Variants in MRTFA observed in about 807,000 individuals in gnomAD.
The protein encoded by MRTFA is myocardin-related transcription factor A.
MRTFA carries 20 observed loss-of-function variants against 83.5 expected under a neutral mutation model. That is an observed-to-expected ratio of 0.24 (90% CI 0.17 to 0.35). The LOEUF is 0.35. Ranked by LOEUF, MRTFA falls within the 10% of genes least tolerant of loss-of-function variation. MRTFA has a pLI of 1.00. For synonymous variants in MRTFA, 659 were observed against 541.2 expected (o/e 1.22, Z -3.02); for missense variants, 1,200 against 1,224.7 (o/e 0.98, Z 0.30).
At chr22:40,551,471 G>A (rs1003533611) in intron 3 of MRTFA, among the ~76,000 whole-genome samples, 5 of 151,988 alleles carry the variant, frequency 3.3e-5, no homozygotes, top group Non-Finnish European at 5.9e-5. Flanking sequence ...TAGTTCAATC[G>A]ATCCTCCCAC....
chr22:40,525,280 T>C (rs2054947131), intron 3 of MRTFA, among the ~76,000 whole-genome samples: 1 of 152,190 alleles, frequency 6.6e-6, no homozygotes, highest in Non-Finnish European at 1.5e-5. Flanking sequence ...TTTCTAGAAT[T>C]ATAGAGATAA....
intron 7 of MRTFA, among the ~76,000 whole-genome samples, chr22:40,428,525 T>C (rs896264347): frequency 6.6e-6 from 1 of 152,230 alleles, no homozygotes; most frequent in African/African-American, 2.4e-5. Flanking sequence ...ACCTCGTTTT[T>C]GTTTTTGAGA....
At position 40,419,075 on chromosome 22, in the gene MRTFA, G is replaced by T. The variant is rs1333359381; in HGVS notation, c.1663C>A (p.Pro555Thr). ...AGCAGTGAGCGCTCCGAGGGGGTGG[G>T]AGACACGGGGGGCGTGGAGCCCGTG... Residue 555 changes from proline (P) to threonine (T), a missense_variant, in exon 12 of 15, where the codon CCC becomes ACC. By Grantham distance (38) the Pro-to-Thr change is conservative (BLOSUM62 -1). This residue lies in a region of MRTFA where 1,107 missense variants were observed against 1,041.8 expected (regional missense o/e 1.06). Coordinates refer to ENST00000355630, the MANE Select transcript of MRTFA (RefSeq NM_020831.6). 6.2e-7 allele frequency: 1 copy of T among 1,607,230 alleles called. No homozygotes were observed. Among genetic ancestry groups the T allele is most frequent in the Non-Finnish European group, 8.5e-7 (1 of 1,177,532 alleles).
chr22:40,415,223 C>G (rs6001905), intron 14 of MRTFA: 11,403 of 152,582 alleles, frequency 0.075, 652 homozygotes, highest in African/African-American at 0.15. Flanking sequence ...TCCCTTGGAA[C>G]CTCCTGAAGC....
chr22:40,626,940 A>G (rs1040837082), intron 1 of MRTFA, among the ~76,000 whole-genome samples: 1 of 151,492 alleles, frequency 6.6e-6, no homozygotes, highest in African/African-American at 2.4e-5. Flanking sequence ...ACACCACTCT[A>G]ACACCAAAAT....
intron 14 of MRTFA, among the ~76,000 whole-genome samples, chr22:40,415,951 A>C (rs2052670653): frequency 6.7e-6 from 1 of 149,288 alleles, no homozygotes; most frequent in Non-Finnish European, 1.5e-5. Context: ...CCCACCTCAC[A>C]CCCTCGGCAG....
chr22:40,530,281 A>G (rs1156420485), intron 3 of MRTFA, among the ~76,000 whole-genome samples: 3 of 152,138 alleles, frequency 2.0e-5, no homozygotes, highest in Non-Finnish European at 4.4e-5. Flanking sequence ...CATAATGTCC[A>G]TCTTATTTGT....
At chr22:40,482,505 C>T (rs947873645) in intron 3 of MRTFA, among the ~76,000 whole-genome samples, 2 of 152,130 alleles carry the variant, frequency 1.3e-5, no homozygotes, top group African/African-American at 4.8e-5. Context: ...CAACCAACTC[C>T]ATCATGTAAG....
At chr22:40,519,964 T>G (rs1374534373) in intron 3 of MRTFA, among the ~76,000 whole-genome samples, 1 of 152,230 alleles carries the variant, frequency 6.6e-6, no homozygotes, top group African/African-American at 2.4e-5. Flanking sequence ...TTATTGAACT[T>G]CAATTCAGAC....
chr22:40,617,501 T>C (rs1226934012), intron 1 of MRTFA, among the ~76,000 whole-genome samples: 3 of 151,514 alleles, frequency 2.0e-5, no homozygotes, highest in Non-Finnish European at 4.4e-5. Context: ...CCGAGGCCGG[T>C]GGATCACAAG....
intron 3 of MRTFA, among the ~76,000 whole-genome samples, chr22:40,494,765 G>A (rs868170533): frequency 2.6e-5 from 4 of 151,654 alleles, no homozygotes; most frequent in Admixed American, 6.6e-5. Context: ...ATTGTTACAG[G>A]AAACAACACT....
intron 3 of MRTFA, among the ~76,000 whole-genome samples, chr22:40,463,964 T>C (rs562015918): frequency 1.4e-4 from 21 of 152,208 alleles, no homozygotes; most frequent in African/African-American, 3.1e-4. Flanking sequence ...CTGGCAATAC[T>C]GCTTAATGAA....
chr22:40,519,117 T>C (rs2054815183), intron 3 of MRTFA, among the ~76,000 whole-genome samples: 1 of 151,792 alleles, frequency 6.6e-6, no homozygotes, highest in African/African-American at 2.4e-5. Flanking sequence ...TCTCAAGGGA[T>C]GCTCCTGCAT....
intron 4 of MRTFA, among the ~76,000 whole-genome samples, chr22:40,452,638 C>G (rs531600410): frequency 6.6e-6 from 1 of 151,626 alleles, no homozygotes; most frequent in Non-Finnish European, 1.5e-5. Context: ...GGTGAAACCT[C>G]GTCTCTACTA....
chr22:40,614,693 G>A (rs2056429161), intron 1 of MRTFA, among the ~76,000 whole-genome samples: 1 of 152,032 alleles, frequency 6.6e-6, no homozygotes, highest in Non-Finnish European at 1.5e-5. Flanking sequence ...CTCCATGTTG[G>A]TCAGGCTGGT....
Position 40,538,985 on chromosome 22 carries a change from C to CTTTTTTTTTTTTTTTTTTTTTTTTTTTT in MRTFA, c.241+13120_241+13121insAAAAAAAAAAAAAAAAAAAAAAAAAAAA, listed in dbSNP as rs201694198. Among the ~76,000 whole-genome samples, 2 of 106,888 alleles carry CTTTTTTTTTTTTTTTTTTTTTTTTTTTT rather than the reference C, an allele frequency of 1.9e-5. 1 individual carries two copies. The highest frequency in any genetic ancestry group is 3.6e-5 in the Non-Finnish European group (2 of 55,568). The allele number at this position is 106,888 out of a possible 152,430, so 70.1% of individuals were successfully genotyped here. On this transcript the variant is annotated intron_variant, in intron 3 of 14. Transcript: ENST00000355630. ...GACATTATACTGCAGGATACACAGC[C>CTTTTTTTTTTTTTTTTTTTTTTTTTTTT]TTTTGTTTTTTTTTTTTTTTTTTTT...
chr22:40,472,531 T>G (rs899106899), intron 3 of MRTFA, among the ~76,000 whole-genome samples: 5 of 152,242 alleles, frequency 3.3e-5, no homozygotes, highest in Admixed American at 2.6e-4. Context: ...ATGATCATTT[T>G]TAATATTTTT....
chr22:40,502,021 A>G (rs1456400815), intron 3 of MRTFA, among the ~76,000 whole-genome samples: 84 of 79,414 alleles, frequency 1.1e-3, no homozygotes, highest in South Asian at 1.4e-3. Context: ...GCAGCTGGCC[A>G]GGCGGGGGGC....
intron 3 of MRTFA, among the ~76,000 whole-genome samples, chr22:40,505,743 C>T (rs2054569705): frequency 6.6e-6 from 1 of 152,178 alleles, no homozygotes; most frequent in African/African-American, 2.4e-5. Context: ...CGTTCTTCTT[C>T]CCCTGCAGAG....
Sources: allele counts gnomAD v4.1 joint callset (sites outside exome capture counted in the v4.1 genomes callset), GRCh38; gene constraint gnomAD v4.1.1; regional missense constraint gnomAD v4.1.1; transcripts MANE v1.5; gene names NCBI Gene and HGNC (gene_info 2026-07-23, HGNC 2026-07-21).